The following TSGA10 variants were observed in gnomAD, a reference collection of about 807,000 sequenced individuals.
The protein encoded by TSGA10 is testis-specific gene 10 protein.
In TSGA10, 43 loss-of-function variants were observed where a neutral mutation model predicts 96.6. That is an observed-to-expected ratio of 0.44 (90% CI 0.35 to 0.57). The LOEUF (loss-of-function observed/expected upper bound fraction) is 0.57. TSGA10 is among the 20% of genes least tolerant of loss of function. The probability of loss-of-function intolerance (pLI) is 0.01; values close to 1 mark genes in which losing one functional copy is unlikely to be tolerated. For missense variants in TSGA10, 703 were observed against 834.4 expected (o/e 0.84, Z 1.94); for synonymous variants, 229 against 269.9 (o/e 0.85, Z 1.48).
At chr2:99,136,085 T>C (rs918167015) in intron 1 of TSGA10, among the ~76,000 whole-genome samples, 1 of 152,130 alleles carries the variant, frequency 6.6e-6, no homozygotes, top group African/African-American at 2.4e-5. Flanking sequence ...CTTTAGCACT[T>C]AGAATAGTGC....
chr2:99,065,920 CAATAT>C (rs1033882827), intron 15 of TSGA10, among the ~76,000 whole-genome samples: 18 of 152,176 alleles, frequency 1.2e-4, no homozygotes, highest in African/African-American at 4.1e-4. Context: ...GCTCCACAAA[CAATAT>C]AATAGACCGA....
chr2:99,147,361 TTA>T, intron 1 of TSGA10: 1 of 1,080,666 alleles, frequency 9.3e-7, no homozygotes, highest in Non-Finnish European at 1.4e-6. Context: ...CCAGATTGAT[TTA>T]TCTCTTTATG....
intron 4 of TSGA10, among the ~76,000 whole-genome samples, chr2:99,112,674 T>C (rs927052344): frequency 1.3e-5 from 2 of 151,520 alleles, no homozygotes; most frequent in Non-Finnish European, 2.9e-5. Context: ...GAAGGTCTGG[T>C]TGGTTCTAAG....
At chr2:99,001,306 T>C (rs1340717671) in intron 20 of TSGA10, among the ~76,000 whole-genome samples, 2 of 152,180 alleles carry the variant, frequency 1.3e-5, no homozygotes, top group East Asian at 3.9e-4. Flanking sequence ...TATTTGCTGT[T>C]CTGCAGCCTC....
chr2:99,056,741 C>G (rs1029907218), intron 16 of TSGA10, among the ~76,000 whole-genome samples: 4 of 149,422 alleles, frequency 2.7e-5, no homozygotes, highest in Non-Finnish European at 5.9e-5. Context: ...GCCAGTCTCA[C>G]TCTGATATTA....
At position 99,109,372 on chromosome 2, in the gene TSGA10, A is replaced by G; in HGVS notation, c.51+17T>C. ...GGGCAACAAACTCCAAAATATTTGT[A>G]AGTTTATAAAACCTACCCGGGCAGT... On this transcript the variant is annotated intron_variant, in intron 6 of 20. Coordinates refer to ENST00000393483, the MANE Select transcript of TSGA10 (RefSeq NM_025244.4). 6.2e-7 allele frequency: 1 copy of G among 1,612,832 alleles called. No homozygotes were observed.
intron 1 of TSGA10, among the ~76,000 whole-genome samples, chr2:99,135,556 G>A (rs1404259649): frequency 6.6e-6 from 1 of 152,086 alleles, no homozygotes; most frequent in African/African-American, 2.4e-5. Context: ...TTCTCAATTA[G>A]GAAGTCACAC....
At chr2:99,006,433 AAACG>A (rs1339895552) in intron 20 of TSGA10, among the ~76,000 whole-genome samples, 1 of 152,246 alleles carries the variant, frequency 6.6e-6, no homozygotes, top group East Asian at 1.9e-4. Context: ...CAATGAACTC[AAACG>A]AATTTACAAG....
chr2:99,071,790 G>A lies in TSGA10; in HGVS notation c.1023C>T (p.Ala341=), dbSNP rs2104515135. Reference sequence around the variant, plus strand: ...AGATATCTCTTTCCCTGGCGATCTGGGCCAGCTCATCATTTGTCTCATCCA... The same window carrying A: ...AGATATCTCTTTCCCTGGCGATCTGAGCCAGCTCATCATTTGTCTCATCCA... The part of the protein sequence containing the change: ...RQLDETNDEL[A]QIARERDILA... Residue 341 remains alanine, a synonymous_variant, in exon 14 of 21, where the codon GCC becomes GCT. Coordinates refer to ENST00000393483, the MANE Select transcript of TSGA10 (RefSeq NM_025244.4). 1 of 1,613,920 alleles carries A rather than the reference G, an allele frequency of 6.2e-7. No homozygotes were observed.
chr2:99,082,707 A>G (rs1406452116), intron 10 of TSGA10, among the ~76,000 whole-genome samples: 3 of 152,240 alleles, frequency 2.0e-5, no homozygotes, highest in Non-Finnish European at 4.4e-5. Context: ...TTAAAAATAC[A>G]TCAAGAAACA....
At chr2:99,107,218 G>A (rs1253780574) in intron 7 of TSGA10, among the ~76,000 whole-genome samples, 1 of 152,064 alleles carries the variant, frequency 6.6e-6, no homozygotes, top group Non-Finnish European at 1.5e-5. Context: ...TTTTGCATCT[G>A]TCCCTATATT....
intron 17 of TSGA10, 76 bp from the exon 18 acceptor site, chr2:99,020,558 A>C: frequency 1.8e-6 from 2 of 1,105,788 alleles, no homozygotes; most frequent in Non-Finnish European, 2.6e-6. Flanking sequence ...GGACTCACAA[A>C]ATTTTCATAA....
chr2:99,011,515 G>A lies in TSGA10; in HGVS notation c.2072+6685C>T, dbSNP rs940707689. 7.9e-5 allele frequency among the ~76,000 whole-genome samples: 12 copies of A among 152,178 alleles called. No homozygotes were observed. In the East Asian group the frequency reaches 1.4e-3, roughly 17 times the overall value. ...TGAACAAATCCTCCAAGAAATTTGG[G>A]ATTATGTTAAATGGCCAAACCTAAG... On this transcript the variant is annotated intron_variant, in intron 20 of 20. Coordinates refer to ENST00000393483, the MANE Select transcript of TSGA10 (RefSeq NM_025244.4).
At chr2:99,138,625 G>A (rs1020549984) in intron 1 of TSGA10, among the ~76,000 whole-genome samples, 1 of 152,192 alleles carries the variant, frequency 6.6e-6, no homozygotes, top group Admixed American at 6.5e-5. Flanking sequence ...ATTGTGAGAG[G>A]AAGAGAGGTA....
intron 9 of TSGA10, among the ~76,000 whole-genome samples, chr2:99,104,706 C>A (rs2091156036): frequency 6.6e-6 from 1 of 152,110 alleles, no homozygotes; most frequent in South Asian, 2.1e-4. Flanking sequence ...AACTCCTGAC[C>A]TTAGGTGATC....
In TSGA10 at chr2:99,141,179, A is replaced by G. The variant is rs1416164003; in HGVS notation, c.-621+13514T>C. On this transcript the variant is annotated intron_variant, in intron 1 of 20. Coordinates refer to ENST00000393483, the MANE Select transcript of TSGA10 (RefSeq NM_025244.4). ...GCTCTCGGCCTCAGCGGGGGATACAAGAACCGCCCACTCTCCATCCTCCGC... is the reference window on the plus strand; with the variant it reads ...GCTCTCGGCCTCAGCGGGGGATACAGGAACCGCCCACTCTCCATCCTCCGC... The G allele has an allele frequency of 4.9e-6, 6 of 1,236,842 alleles. No individual in the cohort carries two copies. The African/African-American group carries it at 6.4e-5, about 13-fold the overall frequency. The allele number at this position is 1,236,842 out of a possible 1,614,324, so 76.6% of individuals were successfully genotyped here.
chr2:99,064,022 C>T (rs6754843), intron 16 of TSGA10, among the ~76,000 whole-genome samples: 65,964 of 151,954 alleles, frequency 0.43, 16,983 homozygotes, highest in African/African-American at 0.72. Flanking sequence ...TATTGATTCA[C>T]ATTTGAGAAA....
At chr2:99,018,465 T>C (rs887599212) in intron 19 of TSGA10, 71 bp downstream of exon 19, 7 of 1,571,902 alleles carry the variant, frequency 4.5e-6, no homozygotes, top group Middle Eastern at 3.4e-4. Flanking sequence ...CTAAAACCTC[T>C]TGTTACCTAA....
intron 1 of TSGA10, among the ~76,000 whole-genome samples, chr2:99,133,360 G>A (rs533122877): frequency 6.6e-5 from 10 of 152,154 alleles, no homozygotes; most frequent in South Asian, 2.1e-4. Flanking sequence ...GTCTTGTTTT[G>A]ATCTTTGTTG....
Sources: allele counts gnomAD v4.1 joint callset (sites outside exome capture counted in the v4.1 genomes callset), GRCh38; gene constraint gnomAD v4.1.1; transcripts MANE v1.5; gene names NCBI Gene and HGNC (gene_info 2026-07-23, HGNC 2026-07-21).